Variants in MDH1 observed in about 807,000 individuals in gnomAD.
The protein encoded by MDH1 is malate dehydrogenase, cytoplasmic.
Under a neutral mutation model 38.7 loss-of-function variants are expected in MDH1, and 15 were observed. The ratio of observed to expected loss-of-function variants is 0.39; its 90% CI spans 0.26 to 0.60. The LOEUF (loss-of-function observed/expected upper bound fraction) is 0.60. Among genes scored for constraint, MDH1 ranks in the 20% least tolerant of loss-of-function variants. MDH1 has a pLI of 0.56. For synonymous variants in MDH1, 144 were observed against 143.6 expected (o/e 1.00, Z -0.02); for missense variants, 368 against 405.2 (o/e 0.91, Z 0.79).
chr2:63,592,288 A>T (rs956093595), intron 1 of MDH1, among the ~76,000 whole-genome samples: 1 of 152,224 alleles, frequency 6.6e-6, no homozygotes, highest in Non-Finnish European at 1.5e-5. Context: ...GTGGTCACTA[A>T]GTTTCCAGTT....
chr2:63,602,931 G>A (rs1709452562), intron 5 of MDH1, among the ~76,000 whole-genome samples: 1 of 105,760 alleles, frequency 9.5e-6, no homozygotes, highest in South Asian at 3.0e-4. Context: ...TTATTTAACC[G>A]TTCTTTTTTT....
chr2:63,604,932 A>G, intron 6 of MDH1, 60 bp downstream of exon 6: 2 of 1,554,028 alleles, frequency 1.3e-6, no homozygotes, highest in Non-Finnish European at 1.8e-6. Flanking sequence ...AGAGACTCTT[A>G]GGACAGAAAA....
rs1709112603 is a variant in MDH1 at position 63,589,498 on chromosome 2, G to T, written c.3+452G>T. 3.0e-6 allele frequency: 3 copies of T among 1,000,690 alleles called. No homozygotes were observed. In the South Asian group the frequency reaches 4.1e-5, roughly 14 times the overall value. The allele number at this position is 1,000,690 out of a possible 1,614,324, so 62.0% of individuals were successfully genotyped here. A position where few individuals can be genotyped will look rare whatever the true frequency, so the allele number is the denominator to read the frequency against. On this transcript the variant is annotated intron_variant, in intron 1 of 8. Coordinates refer to ENST00000233114, the MANE Select transcript of MDH1 (RefSeq NM_005917.4). ...TTGAAAGCAAAAAGCTGGAAAGGTA[G>T]TATTTACCAGGTGCTCCAGATTACG...
chr2:63,597,453 T>C lies in MDH1; in HGVS notation c.254T>C (p.Ile85Thr). The change falls in exon 4 of 9, where the codon ATT (isoleucine) becomes ACT (threonine). Residue 85 changes from isoleucine (I) to threonine (T), a missense_variant. Transcript: ENST00000233114. The stretch of plus-strand genomic sequence containing the variant: ...GCCTTCAAAGACCTGGATGTGGCCA[T>C]TCTTGTGGGCTCCATGCCAAGAAGG... ...DVAFKDLDVA[I>T]LVGSMPRREG... The C allele has an allele frequency of 6.6e-7, 1 of 1,504,890 alleles. No homozygotes were observed. 93.2% of individuals were successfully genotyped at this position (1,504,890 alleles called of 1,614,324 possible).
rs140273675 is a variant in MDH1, at chr2:63,605,727, C to T, written c.790-212C>T. 3,784 of 601,128 alleles carry T rather than the reference C, an allele frequency of 6.3e-3. 12 individuals are homozygous for T. Among genetic ancestry groups the T allele is most frequent in the Non-Finnish European group, 9.6e-3 (3,250 of 338,930 alleles). 37.2% of individuals were successfully genotyped at this position (601,128 alleles called of 1,614,324 possible). On this transcript the variant is annotated intron_variant, in intron 7 of 8. Transcript: ENST00000233114. ...TCTGTAAAATGAGGATTAGGTTTCC[C>T]TGGCCTACTTCACATATGATATGGA...
At chr2:63,594,904 C>T (rs1709275141) in intron 2 of MDH1, 1 of 273,384 alleles carries the variant, frequency 3.7e-6, no homozygotes, top group Non-Finnish European at 7.0e-6. Context: ...TCAGTAAGCA[C>T]TCCCTTGTTC....
chr2:63,592,415 G>A (rs1007444609), intron 1 of MDH1, among the ~76,000 whole-genome samples: 4 of 152,206 alleles, frequency 2.6e-5, no homozygotes, highest in Non-Finnish European at 5.9e-5. Context: ...CACTCACACA[G>A]TAATGGCTCA....
intron 5 of MDH1, among the ~76,000 whole-genome samples, chr2:63,601,733 C>G (rs1483624500): frequency 6.6e-6 from 1 of 152,132 alleles, no homozygotes. Flanking sequence ...CCAAGGAGGA[C>G]TGAGGGTGGA....
chr2:63,603,243 A>ACCG (rs1194711717), intron 5 of MDH1, among the ~76,000 whole-genome samples: 1 of 152,160 alleles, frequency 6.6e-6, no homozygotes, highest in African/African-American at 2.4e-5. Context: ...GGTGTGAGCC[A>ACCG]CCGCGCCTGG....
chr2:63,594,778 G>A, intron 2 of MDH1, 192 bp downstream of exon 2: 1 of 502,634 alleles, frequency 2.0e-6, no homozygotes, highest in Non-Finnish European at 3.6e-6. Context: ...AAAACACTTT[G>A]CAAATGAGAA....
chr2:63,603,468 C>T (rs1709468319), intron 5 of MDH1, among the ~76,000 whole-genome samples: 1 of 152,052 alleles, frequency 6.6e-6, no homozygotes, highest in Non-Finnish European at 1.5e-5. Context: ...AAGAATTGCC[C>T]ACAATGTCAC....
At chr2:63,589,115 T>C (rs369939763) in intron 1 of MDH1, 69 bp downstream of exon 1, 1 of 1,614,138 alleles carries the variant, frequency 6.2e-7, no homozygotes. Context: ...TCTTGCACTT[T>C]AGGGACTTTT....
At position 63,594,530 on chromosome 2, in the gene MDH1, A is replaced by G. The variant is rs1190239641; in HGVS notation, c.46A>G (p.Ile16Val). ...RVLVTGAAGQ[I>V]AYSLLYSIGN... is the part of the protein sequence containing the mutation. ...CCTTGTGACTGGAGCAGCTGGTCAA[A>G]TTGCATATTCACTGCTGTACAGTAT... Residue 16 changes from isoleucine to valine, a missense_variant, in exon 2 of 9, where the codon ATT (isoleucine) becomes GTT (valine). Physicochemically the swap from Ile to Val is conservative, Grantham distance 29 (BLOSUM62 3). Coordinates refer to ENST00000233114, the MANE Select transcript of MDH1 (RefSeq NM_005917.4). 6.2e-7 allele frequency: 1 copy of G among 1,613,862 alleles called. No homozygotes were observed. Among genetic ancestry groups the G allele is most frequent in the African/African-American group, 1.3e-5 (1 of 74,928 alleles).
At position 63,599,164 on chromosome 2, in the gene MDH1, T is replaced by C; in HGVS notation, c.376-6T>C. 6.2e-7 allele frequency: 1 copy of C among 1,613,162 alleles called. No individual in the cohort carries two copies. The highest frequency in any genetic ancestry group is 2.2e-5 in the East Asian group (1 of 44,834). On this transcript the variant is annotated splice_region_variant and splice_polypyrimidine_tract_variant and intron_variant, in intron 4 of 8. Coordinates refer to ENST00000233114, the MANE Select transcript of MDH1 (RefSeq NM_005917.4). ...GTAACTCTTCAGTGCCTTCCATTCC[T>C]CCTAGGTTATTGTTGTGGGTAATCC...
intron 5 of MDH1, among the ~76,000 whole-genome samples, chr2:63,600,480 G>A (rs755895545): frequency 6.6e-6 from 1 of 152,140 alleles, no homozygotes; most frequent in African/African-American, 2.4e-5. Context: ...TACTAGCTCT[G>A]TGATTTTGAG....
At chr2:63,590,887 A>G (rs1420661411) in intron 1 of MDH1, 1 of 152,232 alleles carries the variant, frequency 6.6e-6, no homozygotes, top group African/African-American at 2.4e-5. Context: ...TTCTTCTGTA[A>G]GCTCATTCAA....
chr2:63,591,595 A>C (rs1281050599), intron 1 of MDH1, among the ~76,000 whole-genome samples: 1 of 152,234 alleles, frequency 6.6e-6, no homozygotes, highest in Non-Finnish European at 1.5e-5. Context: ...CACTCTCTTC[A>C]GCCCCCCTTT....
At chr2:63,604,620 G>A (rs1386239576) in intron 5 of MDH1, 76 bp from the exon 6 acceptor site, 5 of 1,103,078 alleles carry the variant, frequency 4.5e-6, no homozygotes, top group Non-Finnish European at 6.5e-6. Context: ...TTATTTAAGG[G>A]CATTTGTCAA....
At chr2:63,604,501 T>C (rs923432142) in intron 5 of MDH1, among the ~76,000 whole-genome samples, 195 bp from the exon 6 acceptor site, 4 of 152,240 alleles carry the variant, frequency 2.6e-5, no homozygotes, top group African/African-American at 9.6e-5. Context: ...AAGTCCACAG[T>C]TGTTACCACT....
Sources: allele counts gnomAD v4.1 joint callset (sites outside exome capture counted in the v4.1 genomes callset), GRCh38; gene constraint gnomAD v4.1.1; transcripts MANE v1.5; gene names NCBI Gene and HGNC (gene_info 2026-07-23, HGNC 2026-07-21).